MYO1D: variants seen among roughly 807,000 people sequenced by gnomAD.
MYO1D encodes the protein myosin ID.
Under a neutral mutation model 122.0 loss-of-function variants are expected in MYO1D, and 83 were observed. The ratio of observed to expected loss-of-function variants is 0.68; its 90% CI spans 0.57 to 0.82. MYO1D has a LOEUF of 0.82. Ranked by LOEUF, MYO1D falls within the 40% of genes least tolerant of loss-of-function variation. The probability of loss-of-function intolerance (pLI) is 0.00; values close to 1 mark genes in which losing one functional copy is unlikely to be tolerated. For missense variants in MYO1D, 1,157 were observed against 1,269.5 expected (o/e 0.91, Z 1.35); for synonymous variants, 464 against 446.9 (o/e 1.04, Z -0.48).
intron 1 of MYO1D, among the ~76,000 whole-genome samples, chr17:32,858,300 G>T (rs1452548481): frequency 6.6e-6 from 1 of 152,164 alleles, no homozygotes; most frequent in African/African-American, 2.4e-5. Flanking sequence ...ATGATATATT[G>T]CTAAGATTTA....
chr17:32,532,415 T>A (rs1404647505), intron 21 of MYO1D, among the ~76,000 whole-genome samples: 1 of 138,924 alleles, frequency 7.2e-6, no homozygotes, highest in Admixed American at 7.2e-5. Flanking sequence ...GAGGTGCCCT[T>A]AGTCGGGCGA....
rs527919153 is a variant in MYO1D at position 32,500,948 on chromosome 17, G to A, written c.2865-6033C>T. 4.6e-4 allele frequency among the ~76,000 whole-genome samples: 69 copies of A among 151,498 alleles called. 1 individual carries two copies. Among genetic ancestry groups the A allele is most frequent in the African/African-American group, 1.6e-3 (67 of 41,204 alleles). The stretch of plus-strand genomic sequence containing the variant: ...GGCGTGAACCTGGGAGGCGGAGCTT[G>A]TAGTGAGTCAAGATCGTGCCACTGC... On this transcript the variant is annotated intron_variant, in intron 21 of 21. Coordinates refer to ENST00000318217, the MANE Select transcript of MYO1D (RefSeq NM_015194.3).
At chr17:32,800,052 G>A (rs189857282) in intron 1 of MYO1D, among the ~76,000 whole-genome samples, 46 of 152,214 alleles carry the variant, frequency 3.0e-4, no homozygotes, top group African/African-American at 1.1e-3. Context: ...TGTTAGAGAC[G>A]ATGTGGAGAA....
chr17:32,553,785 C>T (rs971947488), intron 21 of MYO1D, among the ~76,000 whole-genome samples: 3 of 152,162 alleles, frequency 2.0e-5, no homozygotes, highest in Non-Finnish European at 1.5e-5. Context: ...CTTCTCCACA[C>T]ATGGCTTGTT....
intron 21 of MYO1D, among the ~76,000 whole-genome samples, 161 bp from the exon 22 acceptor site, chr17:32,495,076 G>A (rs1038325393): frequency 2.0e-4 from 31 of 152,248 alleles, no homozygotes; most frequent in African/African-American, 6.0e-4. Context: ...GGCAAGGCGA[G>A]TGTGGCACTA....
At chr17:32,703,752 T>C (rs2089275181) in intron 16 of MYO1D, among the ~76,000 whole-genome samples, 1 of 152,220 alleles carries the variant, frequency 6.6e-6, no homozygotes, top group Admixed American at 6.5e-5. Context: ...GGATTATAAA[T>C]CTTTGTTATG....
intron 21 of MYO1D, among the ~76,000 whole-genome samples, chr17:32,532,762 C>CA (rs978307308): frequency 6.6e-6 from 1 of 150,400 alleles, no homozygotes; most frequent in African/African-American, 2.4e-5. Context: ...GTGCACGAGG[C>CA]TGATATGCTC....
At chr17:32,769,128 T>C (rs1799847316) in intron 6 of MYO1D, among the ~76,000 whole-genome samples, 1 of 152,330 alleles carries the variant, frequency 6.6e-6, no homozygotes, top group South Asian at 2.1e-4. Context: ...GCCATTCTGA[T>C]CAATACAACA....
At chr17:32,847,004 A>ACG (rs1420256629) in intron 1 of MYO1D, among the ~76,000 whole-genome samples, 4 of 152,156 alleles carry the variant, frequency 2.6e-5, no homozygotes, top group African/African-American at 9.7e-5. Context: ...CAAACAAATA[A>ACG]GTAAATAAGA....
intron 1 of MYO1D, among the ~76,000 whole-genome samples, chr17:32,828,536 A>AG (rs1312874815): frequency 1.3e-5 from 2 of 151,116 alleles, no homozygotes; most frequent in African/African-American, 4.9e-5. Flanking sequence ...AAAAAAAAAA[A>AG]AAAGAAAGAA....
chr17:32,508,280 A>G (rs539856974), intron 21 of MYO1D, among the ~76,000 whole-genome samples: 26 of 150,062 alleles, frequency 1.7e-4, no homozygotes, highest in Non-Finnish European at 3.2e-4. Flanking sequence ...AGTCTATGGT[A>G]TCTTTTTTTT....
intron 16 of MYO1D, among the ~76,000 whole-genome samples, chr17:32,660,215 C>A (rs898314892): frequency 1.3e-5 from 2 of 152,184 alleles, no homozygotes; most frequent in African/African-American, 4.8e-5. Flanking sequence ...CTTCGATGAA[C>A]TCCTTGTACA....
At chr17:32,559,108 A>C (rs1171000780) in intron 21 of MYO1D, among the ~76,000 whole-genome samples, 2 of 152,184 alleles carry the variant, frequency 1.3e-5, no homozygotes, top group African/African-American at 4.8e-5. Flanking sequence ...ATATGAACCA[A>C]ATTGTCTTTC....
chr17:32,624,763 T>A (rs2087903780), intron 20 of MYO1D, among the ~76,000 whole-genome samples: 1 of 151,762 alleles, frequency 6.6e-6, no homozygotes, highest in South Asian at 2.1e-4. Context: ...ATATTTTCTT[T>A]TTCTTGTTTT....
intron 1 of MYO1D, among the ~76,000 whole-genome samples, chr17:32,833,006 C>CTA (rs1243256507): frequency 1.3e-5 from 2 of 152,198 alleles, no homozygotes; most frequent in Non-Finnish European, 2.9e-5. Context: ...AAATCATAAA[C>CTA]TATGCTCACA....
In MYO1D at chr17:32,659,224, G is replaced by T; in HGVS notation, c.2236C>A (p.Arg746Ser). 1 of 1,614,202 alleles carries T rather than the reference G, an allele frequency of 6.2e-7. No homozygotes were observed. Among genetic ancestry groups the T allele is most frequent in the Non-Finnish European group, 8.5e-7 (1 of 1,180,038 alleles). Residue 746 changes from arginine (R) to serine (S), a missense_variant, in exon 17 of 22, where the codon CGC becomes AGC. Physicochemically the swap from Arg to Ser is moderately radical, Grantham distance 110. Coordinates refer to ENST00000318217, the MANE Select transcript of MYO1D (RefSeq NM_015194.3). ...VKSYIHEVAR[R>S]FHGVKTMRDY... ...CGCATGGTCTTGACGCCATGGAAGC[G>T]TCTGGCCACCTCGTGGATGTACGAC...
At chr17:32,794,552 G>A (rs1248331516) in intron 1 of MYO1D, among the ~76,000 whole-genome samples, 1 of 151,624 alleles carries the variant, frequency 6.6e-6, no homozygotes, top group African/African-American at 2.4e-5. Context: ...TCCAAGCATT[G>A]TGCTGGGAGC....
chr17:32,816,937 G>T (rs1175088987), intron 1 of MYO1D, among the ~76,000 whole-genome samples: 1 of 151,876 alleles, frequency 6.6e-6, no homozygotes, highest in East Asian at 1.9e-4. Context: ...ATGACAAGCG[G>T]TAAGAAATGC....
intron 16 of MYO1D, among the ~76,000 whole-genome samples, chr17:32,709,690 T>C (rs2089351505): frequency 6.6e-6 from 1 of 152,052 alleles, no homozygotes; most frequent in South Asian, 2.1e-4. Flanking sequence ...CTTAGAAACA[T>C]CTTGGCAACT....
Sources: gnomAD v4.1 joint callset for allele counts (sites outside exome capture counted in the v4.1 genomes callset) on GRCh38, gnomAD v4.1.1 for gene constraint, MANE v1.5 for transcripts, NCBI Gene and HGNC (gene_info 2026-07-23, HGNC 2026-07-21) for gene names.